COBL: variants seen among roughly 807,000 people sequenced by gnomAD.
The protein encoded by COBL is protein cordon-bleu.
A neutral mutation model predicts 98.8 loss-of-function variants in COBL; 51 were observed. The ratio of observed to expected loss-of-function variants is 0.52; its 90% CI spans 0.41 to 0.65. COBL has a LOEUF of 0.65. COBL is among the 30% of genes least tolerant of loss of function. The probability of loss-of-function intolerance (pLI) is 0.00; values close to 1 mark genes in which losing one functional copy is unlikely to be tolerated. For synonymous variants in COBL, 634 were observed against 651.7 expected, an observed-to-expected ratio of 0.97 and a Z score of 0.41; for missense variants, 1,617 against 1,617.5, an observed-to-expected ratio of 1.00 and a Z score of 0.01.
chr7:51,241,083 C>T (rs151335262), intron 1 of COBL, among the ~76,000 whole-genome samples: 1 of 152,266 alleles, frequency 6.6e-6, no homozygotes, highest in South Asian at 2.1e-4. Flanking sequence ...GACCTGGTAA[C>T]CCTGCTGGTG....
intron 1 of COBL, among the ~76,000 whole-genome samples, chr7:51,276,459 T>G (rs1394637471): frequency 6.6e-6 from 1 of 152,236 alleles, no homozygotes; most frequent in Non-Finnish European, 1.5e-5. Context: ...ACAGGTGGCC[T>G]TGCCTGCCAC....
rs72052864 is a variant in COBL, at chr7:51,158,183, GTTTA to G, written c.784-21856_784-21853del. On this transcript the variant is annotated intron_variant, in intron 5 of 12. Coordinates refer to ENST00000265136, the MANE Select transcript of COBL (RefSeq NM_015198.5). ...AATGGTGGATGATTGATATGGGACT[GTTTA>G]TTTATTATTCTTTTTATTTTACTAT... Among the ~76,000 whole-genome samples, 1,140 of 152,124 alleles carry G rather than the reference GTTTA, an allele frequency of 7.5e-3. 9 individuals are homozygous for G. The highest frequency in any genetic ancestry group is 0.026 in the African/African-American group (1,076 of 41,510).
At chr7:51,112,364 A>G (rs910757312) in intron 6 of COBL, among the ~76,000 whole-genome samples, 5 of 152,218 alleles carry the variant, frequency 3.3e-5, no homozygotes, top group African/African-American at 1.2e-4. Context: ...CTTCTAAGAT[A>G]TGGACCATTT....
chr7:51,026,530 G>C lies in COBL; in HGVS notation c.3504+16C>G, dbSNP rs763531844. 1 of 1,612,848 alleles carries C rather than the reference G, an allele frequency of 6.2e-7. No individual in the cohort carries two copies. Among genetic ancestry groups the C allele is most frequent in the South Asian group, 1.1e-5 (1 of 91,016 alleles). On this transcript the variant is annotated intron_variant, in intron 11 of 12. Coordinates refer to ENST00000265136, the MANE Select transcript of COBL (RefSeq NM_015198.5). ...GTTTGAGCTCCTGGCGCCATGGAAGGCCCTTCACCTCTTACCTTCCTCAGG... is the reference window on the plus strand; with the variant it reads ...GTTTGAGCTCCTGGCGCCATGGAAGCCCCTTCACCTCTTACCTTCCTCAGG...
At chr7:51,120,687 G>A (rs921669732) in intron 6 of COBL, among the ~76,000 whole-genome samples, 1 of 151,748 alleles carries the variant, frequency 6.6e-6, no homozygotes, top group African/African-American at 2.4e-5. Context: ...TTGTCTCCAT[G>A]AATCTGACTA....
At chr7:51,197,861 CT>C (rs770022732) in intron 2 of COBL, among the ~76,000 whole-genome samples, 16 of 151,980 alleles carry the variant, frequency 1.1e-4, no homozygotes, top group Non-Finnish European at 2.2e-4. Context: ...TTTCCATTTG[CT>C]TGGTAGATTT....
chr7:51,095,389 C>T (rs1161643139), intron 6 of COBL, among the ~76,000 whole-genome samples: 1 of 152,142 alleles, frequency 6.6e-6, no homozygotes, highest in African/African-American at 2.4e-5. Context: ...GAGTGGGGGA[C>T]ACAGCCAAAC....
At chr7:51,262,010 G>C (rs755339339) in intron 1 of COBL, among the ~76,000 whole-genome samples, 2 of 152,214 alleles carry the variant, frequency 1.3e-5, no homozygotes, top group Non-Finnish European at 2.9e-5. Flanking sequence ...GCACCCTCTG[G>C]GCAGGCAAGT....
intron 1 of COBL, among the ~76,000 whole-genome samples, chr7:51,301,523 C>A (rs758807474): frequency 6.6e-6 from 1 of 152,224 alleles, no homozygotes; most frequent in Non-Finnish European, 1.5e-5. Context: ...TCCTACCAGC[C>A]GTCCCTGCCG....
intron 7 of COBL, among the ~76,000 whole-genome samples, chr7:51,061,946 T>TACACACACACACACACACAC (rs1395412693): frequency 1.4e-3 from 138 of 96,140 alleles, no homozygotes; most frequent in African/African-American, 4.4e-3. Context: ...CTCCCCACCA[T>TACACACACACACACACACAC]AGATACACAC....
intron 6 of COBL, among the ~76,000 whole-genome samples, chr7:51,131,010 C>A (rs1315906536): frequency 2.0e-5 from 3 of 152,122 alleles, no homozygotes; most frequent in East Asian, 3.9e-4. Flanking sequence ...ATTGAATACA[C>A]AAGCAAATTT....
chr7:51,259,201 C>A (rs910400925), intron 1 of COBL, among the ~76,000 whole-genome samples: 5 of 150,854 alleles, frequency 3.3e-5, no homozygotes, highest in Non-Finnish European at 7.4e-5. Context: ...GCAGAAGAAT[C>A]GCTTGAACCT....
intron 1 of COBL, 44 bp from the exon 2 acceptor site, chr7:51,219,988 C>A: frequency 6.4e-7 from 1 of 1,557,928 alleles, no homozygotes; most frequent in Admixed American, 1.8e-5. Context: ...TGGCAATGTT[C>A]CTACCTGCCT....
chr7:51,267,763 G>A (rs367938820), intron 1 of COBL, among the ~76,000 whole-genome samples: 41 of 151,966 alleles, frequency 2.7e-4, no homozygotes, highest in African/African-American at 9.2e-4. Flanking sequence ...TAGTAGAGGC[G>A]GGGTTTCACC....
intron 7 of COBL, among the ~76,000 whole-genome samples, chr7:51,055,844 T>C (rs1026314110): frequency 1.3e-5 from 2 of 152,072 alleles, no homozygotes; most frequent in African/African-American, 2.4e-5. Flanking sequence ...TTCCCTGCAA[T>C]AGTTCAAAGA....
At chr7:51,056,103 TAATAG>T (rs1351914045) in intron 7 of COBL, among the ~76,000 whole-genome samples, 3 of 152,008 alleles carry the variant, frequency 2.0e-5, no homozygotes, top group African/African-American at 7.2e-5. Flanking sequence ...GCGGAAACTA[TAATAG>T]AATAGTTTCA....
intron 7 of COBL, among the ~76,000 whole-genome samples, chr7:51,051,388 T>C (rs1228691457): frequency 1.3e-5 from 2 of 152,236 alleles, no homozygotes; most frequent in African/African-American, 4.8e-5. Flanking sequence ...AAGAATGTTT[T>C]GATGCTTATT....
intron 6 of COBL, among the ~76,000 whole-genome samples, chr7:51,105,440 AG>A (rs1195661022): frequency 6.6e-6 from 1 of 152,152 alleles, no homozygotes; most frequent in Non-Finnish European, 1.5e-5. Flanking sequence ...TGCCTACTGC[AG>A]GGTTGGTGTA....
intron 6 of COBL, among the ~76,000 whole-genome samples, chr7:51,086,630 GA>G (rs1794280652): frequency 2.4e-5 from 1 of 42,178 alleles, no homozygotes; most frequent in African/African-American, 1.1e-4. Flanking sequence ...CAATGAGAGG[GA>G]GAGAGAGAGA....
Sources: allele counts gnomAD v4.1 joint callset (sites outside exome capture counted in the v4.1 genomes callset), GRCh38; gene constraint gnomAD v4.1.1; transcripts MANE v1.5; gene names NCBI Gene and HGNC (gene_info 2026-07-23, HGNC 2026-07-21).